The following GPC6 variants were observed in gnomAD, a reference collection of about 807,000 sequenced individuals.
GPC6 encodes glypican-6.
A neutral mutation model predicts 55.2 loss-of-function variants in GPC6; 14 were observed. That is an observed-to-expected ratio of 0.25 (90% confidence interval 0.17 to 0.40). The LOEUF (loss-of-function observed/expected upper bound fraction) is 0.40. Among genes scored for constraint, GPC6 ranks in the 10% least tolerant of loss-of-function variants. The pLI, the probability that GPC6 is intolerant of heterozygous loss-of-function variation, is 1.00. For missense variants in GPC6, 641 were observed against 708.5 expected (o/e 0.90, Z 1.08); for synonymous variants, 278 against 259.6 (o/e 1.07, Z -0.68).
intron 3 of GPC6, among the ~76,000 whole-genome samples, chr13:93,918,143 C>T (rs1039263369): frequency 3.3e-5 from 5 of 151,436 alleles, no homozygotes; most frequent in Non-Finnish European, 5.9e-5. Context: ...TGGAGATCGA[C>T]AAGATGACTT....
intron 3 of GPC6, among the ~76,000 whole-genome samples, chr13:93,873,589 T>C (rs1004817655): frequency 3.3e-5 from 5 of 151,902 alleles, no homozygotes; most frequent in African/African-American, 1.2e-4. Context: ...AGACAGCCCC[T>C]ATGACAAATA....
At chr13:93,954,255 A>G (rs1381009475) in intron 3 of GPC6, among the ~76,000 whole-genome samples, 1 of 152,234 alleles carries the variant, frequency 6.6e-6, no homozygotes, top group African/African-American at 2.4e-5. Flanking sequence ...AAACATAGCA[A>G]AAGTGTATAT....
intron 1 of GPC6, among the ~76,000 whole-genome samples, chr13:93,505,707 G>A (rs935781829): frequency 1.6e-4 from 24 of 152,312 alleles, no homozygotes; most frequent in African/African-American, 5.3e-4. Context: ...AATAGACCAT[G>A]AAAGGGGCAC....
At chr13:94,251,281 A>G (rs1198788477) in intron 4 of GPC6, among the ~76,000 whole-genome samples, 1 of 148,372 alleles carries the variant, frequency 6.7e-6, no homozygotes, top group African/African-American at 2.5e-5. Flanking sequence ...AAGGAGGGAA[A>G]CACACACCAG....
chr13:94,210,058 G>A (rs1013242634), intron 4 of GPC6, among the ~76,000 whole-genome samples: 8 of 151,832 alleles, frequency 5.3e-5, no homozygotes, highest in Non-Finnish European at 7.4e-5. Flanking sequence ...ATGATTCACA[G>A]GCTGGTCTCA....
chr13:93,921,351 G>A (rs770055181), intron 3 of GPC6, among the ~76,000 whole-genome samples: 6 of 152,140 alleles, frequency 3.9e-5, no homozygotes, highest in African/African-American at 7.2e-5. Flanking sequence ...GTCTGCTGAC[G>A]GCTTAAGTGT....
intron 1 of GPC6, among the ~76,000 whole-genome samples, chr13:93,352,334 A>T (rs1880659331): frequency 6.6e-6 from 1 of 152,200 alleles, no homozygotes; most frequent in Non-Finnish European, 1.5e-5. Flanking sequence ...ATTGAGCATT[A>T]TACACTTCAT....
chr13:93,358,031 C>T (rs1880911123), intron 1 of GPC6, among the ~76,000 whole-genome samples: 1 of 151,912 alleles, frequency 6.6e-6, no homozygotes, highest in South Asian at 2.1e-4. Flanking sequence ...AGAAAGGAAT[C>T]CATGCTTGCA....
At chr13:94,035,047 A>C (rs1883287204) in intron 4 of GPC6, among the ~76,000 whole-genome samples, 1 of 151,970 alleles carries the variant, frequency 6.6e-6, no homozygotes, top group African/African-American at 2.4e-5. Context: ...AGAGCACATT[A>C]AAACTATTCA....
At chr13:93,654,283 T>G (rs1025614791) in intron 2 of GPC6, among the ~76,000 whole-genome samples, 2 of 152,140 alleles carry the variant, frequency 1.3e-5, no homozygotes, top group Middle Eastern at 3.2e-3. Context: ...AAACAGAATC[T>G]CACTCTGTCG....
At chr13:94,111,189 C>T (rs1002830715) in intron 4 of GPC6, among the ~76,000 whole-genome samples, 18 of 151,632 alleles carry the variant, frequency 1.2e-4, no homozygotes, top group African/African-American at 3.9e-4. Context: ...TGTTTTTTCT[C>T]GTTGTTATTG....
chr13:93,754,864 G>A lies in GPC6; in HGVS notation c.320-75290G>A, dbSNP rs142771386. ...TCCACTTGGCTACTACAAAGCCTGA[G>A]CATGAATCTAGCACAGTCCCATGAT... On this transcript the variant is annotated intron_variant, in intron 2 of 8. Coordinates refer to ENST00000377047, the MANE Select transcript of GPC6 (RefSeq NM_005708.5). Among the ~76,000 whole-genome samples, 375 of 152,234 alleles carry A rather than the reference G, an allele frequency of 2.5e-3. 2 individuals carry two copies. The highest frequency in any genetic ancestry group is 6.8e-3 in the Middle Eastern group (2 of 294).
At chr13:94,392,388 C>G (rs995385274) in intron 7 of GPC6, among the ~76,000 whole-genome samples, 1 of 146,216 alleles carries the variant, frequency 6.8e-6, no homozygotes, top group South Asian at 2.2e-4. Flanking sequence ...TATGCAATTG[C>G]TGGATCATAT....
intron 2 of GPC6, among the ~76,000 whole-genome samples, chr13:93,694,154 A>C (rs1882361866): frequency 6.6e-6 from 1 of 152,142 alleles, no homozygotes; most frequent in Admixed American, 6.5e-5. Flanking sequence ...TTTCTGAAAT[A>C]AAAAACATGC....
At chr13:94,277,395 A>G (rs1015181421) in intron 4 of GPC6, among the ~76,000 whole-genome samples, 3 of 151,776 alleles carry the variant, frequency 2.0e-5, no homozygotes, top group African/African-American at 7.3e-5. Context: ...GTTCACTCTG[A>G]TGATAGTTTC....
chr13:94,228,602 CTG>C, intron 4 of GPC6, among the ~76,000 whole-genome samples: 1 of 151,950 alleles, frequency 6.6e-6, no homozygotes, highest in South Asian at 2.1e-4. Context: ...ACAGGGGAGA[CTG>C]TTTCCCAGAA....
chr13:93,467,190 C>G (rs1024247392), intron 1 of GPC6, among the ~76,000 whole-genome samples: 3 of 152,210 alleles, frequency 2.0e-5, no homozygotes, highest in African/African-American at 7.2e-5. Context: ...CTCCCTGCCT[C>G]TGATCTGATA....
At chr13:93,393,141 G>T (rs1370066690) in intron 1 of GPC6, among the ~76,000 whole-genome samples, 27 of 148,738 alleles carry the variant, frequency 1.8e-4, no homozygotes, top group Non-Finnish European at 3.3e-4. Flanking sequence ...GAGAGAGAGA[G>T]AGAGAGAGAG....
intron 6 of GPC6, among the ~76,000 whole-genome samples, chr13:94,380,647 C>T (rs145281827): frequency 3.0e-3 from 455 of 152,262 alleles, no homozygotes; most frequent in Non-Finnish European, 4.7e-3. Context: ...AATCCTCTAG[C>T]GTGTGTCTCC....
Sources: allele counts gnomAD v4.1 joint callset (sites outside exome capture counted in the v4.1 genomes callset), GRCh38; gene constraint gnomAD v4.1.1; transcripts MANE v1.5; gene names NCBI Gene and HGNC (gene_info 2026-07-23, HGNC 2026-07-21).